RBM19: variants seen among roughly 807,000 people sequenced by gnomAD.
RBM19 encodes RNA binding motif protein 19.
Under a neutral mutation model 116.8 loss-of-function variants are expected in RBM19, and 94 were observed. That is an observed-to-expected ratio of 0.80 (90% CI 0.68 to 0.95). RBM19 has a LOEUF of 0.95. Ranked by LOEUF, RBM19 falls within the 40% of genes least tolerant of loss-of-function variation. The pLI is 0.00. For synonymous variants in RBM19, 475 were observed against 494.1 expected, an observed-to-expected ratio of 0.96 and a Z score of 0.51; for missense variants, 1,161 against 1,220.7, an observed-to-expected ratio of 0.95 and a Z score of 0.73.
intron 16 of RBM19, chr12:113,927,499 G>T: frequency 2.7e-6 from 1 of 370,950 alleles, no homozygotes; most frequent in South Asian, 1.0e-4. Context: ...AACAGGACCA[G>T]CTCACACTAA....
chr12:113,848,926 T>C lies in RBM19; in HGVS notation c.2665-4138A>G, dbSNP rs896282025. Among the ~76,000 whole-genome samples, 7 of 152,182 alleles carry C rather than the reference T, an allele frequency of 4.6e-5. No individual in the cohort carries two copies. In the South Asian group the frequency reaches 6.2e-4, roughly 13 times the overall value. On this transcript the variant is annotated intron_variant, in intron 22 of 23. Coordinates refer to ENST00000261741, the MANE Select transcript of RBM19 (RefSeq NM_016196.4). Reference sequence around the variant, plus strand: ...TCTTAGCATGGATGATCCTATCTCCTAGCTCCACGGCACTCCAAGCATATG... The same window carrying C: ...TCTTAGCATGGATGATCCTATCTCCCAGCTCCACGGCACTCCAAGCATATG...
At chr12:113,931,989 T>A (rs1869646813) in intron 16 of RBM19, among the ~76,000 whole-genome samples, 1 of 152,216 alleles carries the variant, frequency 6.6e-6, no homozygotes, top group Non-Finnish European at 1.5e-5. Flanking sequence ...TGGCACTGAA[T>A]CTCCAGCACT....
rs144311475 is a variant in RBM19 at position 113,940,113 on chromosome 12, C to T, written c.1785G>A (p.Pro595=). The part of the protein sequence containing the change: ...SKTVILVKNL[P]AGTLAAQLQE... ...GCAGCTGGGCCGCCAGGGTGCCTGCCGGGAGGTTCTTGACCAGAATCACAG... is the reference window on the plus strand; with the variant it reads ...GCAGCTGGGCCGCCAGGGTGCCTGCTGGGAGGTTCTTGACCAGAATCACAG... The change falls in exon 15 of 24, where the codon CCG becomes CCA. Residue 595 remains proline, a synonymous_variant. Coordinates refer to ENST00000261741, the MANE Select transcript of RBM19 (RefSeq NM_016196.4). The T allele has an allele frequency of 5.3e-5, 85 of 1,614,122 alleles. No homozygotes were observed. The African/African-American group carries it at 5.9e-4, about 11-fold the overall frequency.
intron 21 of RBM19, among the ~76,000 whole-genome samples, chr12:113,869,668 G>A (rs1166960638): frequency 6.6e-6 from 1 of 151,916 alleles, no homozygotes; most frequent in East Asian, 1.9e-4. Flanking sequence ...CTTTGGTGTC[G>A]TTATCCTCAG....
rs370879537 is a variant in RBM19 at position 113,962,382 on chromosome 12, G to A, written c.69C>T (p.Ala23=). The change falls in exon 2 of 24, where the codon GCC becomes GCT. Residue 23 remains alanine (A), a synonymous_variant. Coordinates refer to ENST00000261741, the MANE Select transcript of RBM19 (RefSeq NM_016196.4). ...TGCAGTCTGTCAGCGTGCCGAAGGC[G>A]GCAAACAGCTGCCTGAAACGCTCCT... is the stretch of plus-strand genomic sequence containing the variant. ...MKEERFRQLF[A]AFGTLTDCSL... is the part of the protein sequence containing the mutation. The A allele has an allele frequency of 4.2e-5, 67 of 1,614,150 alleles. No homozygotes were observed. Among genetic ancestry groups the A allele is most frequent in the South Asian group, 3.1e-4 (28 of 91,082 alleles).
At chr12:113,938,324 A>G (rs1161501271) in intron 15 of RBM19, among the ~76,000 whole-genome samples, 1 of 152,188 alleles carries the variant, frequency 6.6e-6, no homozygotes, top group Non-Finnish European at 1.5e-5. Flanking sequence ...GTGGCCACAG[A>G]GTCCCAAGCT....
intron 20 of RBM19, 33 bp downstream of exon 20, chr12:113,918,359 G>A (rs370244670): frequency 1.9e-5 from 30 of 1,612,622 alleles, no homozygotes; most frequent in East Asian, 4.5e-5. Context: ...GCCCCAGCTC[G>A]TAGGAAAGGA....
At chr12:113,924,149 G>A (rs900782297) in intron 18 of RBM19, among the ~76,000 whole-genome samples, 1 of 152,220 alleles carries the variant, frequency 6.6e-6, no homozygotes, top group Non-Finnish European at 1.5e-5. Context: ...AGGGCCGAAT[G>A]GAGAGATGAG....
At chr12:113,907,043 C>A (rs1412343986) in intron 21 of RBM19, among the ~76,000 whole-genome samples, 4 of 152,088 alleles carry the variant, frequency 2.6e-5, no homozygotes, top group Admixed American at 2.6e-4. Flanking sequence ...AAGGATCCCC[C>A]CTGCAGCCTT....
chr12:113,950,208 G>A, intron 8 of RBM19, 54 bp from the exon 9 acceptor site: 1 of 1,439,940 alleles, frequency 6.9e-7, no homozygotes, highest in Middle Eastern at 1.8e-4. Context: ...GACACTTGTG[G>A]TGGTCCCCAG....
intron 1 of RBM19, chr12:113,965,989 G>A (rs1010326400): frequency 1.3e-5 from 8 of 612,100 alleles, no homozygotes; most frequent in East Asian, 8.7e-5. Context: ...ACAACCGGCC[G>A]TGAAACCGTA....
At chr12:113,882,708 A>C (rs1340583900) in intron 21 of RBM19, among the ~76,000 whole-genome samples, 1 of 152,204 alleles carries the variant, frequency 6.6e-6, no homozygotes, top group Non-Finnish European at 1.5e-5. Context: ...GGGGTATCTT[A>C]ACCCTCTGGA....
chr12:113,823,003 T>C lies in RBM19; in HGVS notation c.*221A>G. On this transcript the variant is annotated 3_prime_UTR_variant, in exon 24 of 24. Coordinates refer to ENST00000261741, the MANE Select transcript of RBM19 (RefSeq NM_016196.4). Reference sequence around the variant, plus strand: ...ACAGAGCAGGTGCGCAGTCAGTGTCTGCTAGAACGCGTCACTGGTGAAACC... The same window carrying C: ...ACAGAGCAGGTGCGCAGTCAGTGTCCGCTAGAACGCGTCACTGGTGAAACC... 5.3e-6 allele frequency: 3 copies of C among 561,392 alleles called. No homozygotes were observed. In the South Asian group the frequency reaches 6.0e-5, roughly 11 times the overall value. 34.8% of individuals were successfully genotyped at this position (561,392 alleles called of 1,614,324 possible).
At chr12:113,842,755 G>A (rs912573533) in intron 23 of RBM19, among the ~76,000 whole-genome samples, 34 of 152,166 alleles carry the variant, frequency 2.2e-4, no homozygotes, top group African/African-American at 7.7e-4. Flanking sequence ...GAGGGAAAGC[G>A]AAGGCTTCCT....
intron 15 of RBM19, among the ~76,000 whole-genome samples, chr12:113,939,077 C>A (rs1870320495): frequency 6.6e-6 from 1 of 152,136 alleles, no homozygotes; most frequent in African/African-American, 2.4e-5. Context: ...CTCATTGTAG[C>A]TACAGGATTA....
chr12:113,848,039 G>A (rs1877137777), intron 22 of RBM19, among the ~76,000 whole-genome samples: 1 of 152,210 alleles, frequency 6.6e-6, no homozygotes, highest in African/African-American at 2.4e-5. Context: ...GTGCTTATGA[G>A]CTGTGTGATC....
intron 23 of RBM19, among the ~76,000 whole-genome samples, chr12:113,835,343 G>C (rs1362721526): frequency 6.6e-6 from 1 of 152,158 alleles, no homozygotes; most frequent in Non-Finnish European, 1.5e-5. Context: ...CAGGCAGGTT[G>C]GTCAAAGGGC....
intron 21 of RBM19, among the ~76,000 whole-genome samples, chr12:113,866,061 G>C (rs1878786867): frequency 6.6e-6 from 1 of 152,184 alleles, no homozygotes; most frequent in Non-Finnish European, 1.5e-5. Flanking sequence ...CAAAGTGCAG[G>C]GTCAAGCCTG....
chr12:113,913,162 C>T (rs1257316670), intron 21 of RBM19, among the ~76,000 whole-genome samples: 1 of 152,188 alleles, frequency 6.6e-6, no homozygotes, highest in Non-Finnish European at 1.5e-5. Context: ...CCTAAATATA[C>T]TGCAGAACCA....
Sources: gnomAD v4.1 joint callset for allele counts (sites outside exome capture counted in the v4.1 genomes callset) on GRCh38, gnomAD v4.1.1 for gene constraint, MANE v1.5 for transcripts, NCBI Gene and HGNC (gene_info 2026-07-23, HGNC 2026-07-21) for gene names.